The following SLIT3 variants were observed in gnomAD, a reference collection of about 807,000 sequenced individuals.
SLIT3 encodes the protein slit guidance ligand 3.
SLIT3 carries 68 observed loss-of-function variants against 184.0 expected under a neutral mutation model. The ratio of observed to expected loss-of-function variants is 0.37; its 90% confidence interval spans 0.30 to 0.45. The LOEUF (loss-of-function observed/expected upper bound fraction) is 0.45, where lower values mean the gene tolerates loss of function less well. Ranked by LOEUF, SLIT3 falls within the 20% of genes least tolerant of loss-of-function variation. The probability of loss-of-function intolerance (pLI) is 1.00; values close to 1 mark genes in which losing one functional copy is unlikely to be tolerated. For missense variants in SLIT3, 1,707 were observed against 2,026.0 expected, an observed-to-expected ratio of 0.84 and a Z score of 3.02; for synonymous variants, 831 against 828.6, an observed-to-expected ratio of 1.00 and a Z score of -0.05.
At chr5:168,815,848 G>A (rs944286334) in intron 8 of SLIT3, among the ~76,000 whole-genome samples, 2 of 152,158 alleles carry the variant, frequency 1.3e-5, no homozygotes, top group African/African-American at 4.8e-5. Flanking sequence ...AAACCCTTTA[G>A]TACTAAAGGT....
At chr5:169,185,804 G>A (rs983860599) in intron 4 of SLIT3, among the ~76,000 whole-genome samples, 2 of 152,132 alleles carry the variant, frequency 1.3e-5, no homozygotes, top group East Asian at 1.9e-4. Flanking sequence ...CTAACTAGGC[G>A]CCTGGCACTT....
At chr5:168,998,435 G>A (rs1755586110) in intron 4 of SLIT3, among the ~76,000 whole-genome samples, 1 of 152,180 alleles carries the variant, frequency 6.6e-6, no homozygotes, top group Non-Finnish European at 1.5e-5. Context: ...GCCAGGCGCG[G>A]TGGCTCAGGC....
At chr5:168,736,696 A>G (rs959181378) in intron 20 of SLIT3, among the ~76,000 whole-genome samples, 1 of 151,614 alleles carries the variant, frequency 6.6e-6, no homozygotes, top group African/African-American at 2.4e-5. Flanking sequence ...TCCCTGCTGC[A>G]ATGCAGAGTG....
intron 35 of SLIT3, among the ~76,000 whole-genome samples, chr5:168,669,055 C>T (rs1761147991): frequency 6.6e-6 from 1 of 152,202 alleles, no homozygotes; most frequent in African/African-American, 2.4e-5. Context: ...CTTTACATCT[C>T]AACATCTCAC....
chr5:168,685,647 T>G (rs1392502696), intron 31 of SLIT3, 40 bp downstream of exon 31: 6 of 1,506,114 alleles, frequency 4.0e-6, no homozygotes, highest in Non-Finnish European at 5.3e-6. Flanking sequence ...CTTGTGGGCA[T>G]GTTGAGGTCC....
chr5:168,871,597 T>G (rs1759522583), intron 5 of SLIT3, among the ~76,000 whole-genome samples: 2 of 152,118 alleles, frequency 1.3e-5, no homozygotes, highest in African/African-American at 4.8e-5. Flanking sequence ...GTTAAATATC[T>G]TTACTAGTTA....
At chr5:168,708,420 A>G (rs1762442639) in intron 25 of SLIT3, 1 of 380,308 alleles carries the variant, frequency 2.6e-6, no homozygotes, top group Non-Finnish European at 4.9e-6. Context: ...CCCCCTGTGT[A>G]TCTTTTCATA....
At chr5:168,773,017 C>A (rs752239461) in intron 13 of SLIT3, 73 bp from the exon 14 acceptor site, 3 of 1,458,876 alleles carry the variant, frequency 2.1e-6, no homozygotes, top group African/African-American at 2.8e-5. Context: ...CCCTGCCTCG[C>A]GCTGGGCCCT....
At chr5:169,173,671 G>A (rs1054468131) in intron 4 of SLIT3, among the ~76,000 whole-genome samples, 3 of 152,230 alleles carry the variant, frequency 2.0e-5, no homozygotes, top group African/African-American at 7.2e-5. Flanking sequence ...TCGTTCTTGA[G>A]AATAGCTGCA....
At chr5:168,751,378 C>T (rs529150967) in intron 18 of SLIT3, among the ~76,000 whole-genome samples, 5 of 152,332 alleles carry the variant, frequency 3.3e-5, no homozygotes, top group South Asian at 2.1e-4. Context: ...GGAAATACGA[C>T]GAGCAGCTGT....
At position 168,708,938 on chromosome 5, in the gene SLIT3, C is replaced by T. The variant is rs76852175; in HGVS notation, c.2720-838G>A. On this transcript the variant is annotated intron_variant, in intron 25 of 35. Coordinates refer to ENST00000519560, the MANE Select transcript of SLIT3 (RefSeq NM_003062.4). Reference sequence around the variant, plus strand: ...TTGAGAGCTGGTACCAGGGGCTCAACCCGACTTCACATTAGAAGAGGAAGA... The same window carrying T: ...TTGAGAGCTGGTACCAGGGGCTCAATCCGACTTCACATTAGAAGAGGAAGA... 2.6e-3 allele frequency among the ~76,000 whole-genome samples: 396 copies of T among 152,188 alleles called. 16 individuals carry two copies. The East Asian group carries it at 0.06, about 23-fold the overall frequency.
intron 12 of SLIT3, among the ~76,000 whole-genome samples, chr5:168,778,921 A>G (rs1301038679): frequency 1.3e-5 from 2 of 152,230 alleles, no homozygotes; most frequent in Non-Finnish European, 1.5e-5. Flanking sequence ...ATGCAGATCC[A>G]GTGATCTTTT....
intron 12 of SLIT3, among the ~76,000 whole-genome samples, chr5:168,783,374 A>G (rs1275573521): frequency 3.3e-5 from 5 of 151,972 alleles, no homozygotes; most frequent in African/African-American, 1.2e-4. Flanking sequence ...GGCTGTGTAC[A>G]TACTGGACTG....
intron 3 of SLIT3, among the ~76,000 whole-genome samples, chr5:169,202,366 A>G (rs1229011905): frequency 6.6e-6 from 1 of 152,182 alleles, no homozygotes; most frequent in Admixed American, 6.5e-5. Context: ...TTTTATCTGT[A>G]TTATCTCACT....
At chr5:168,966,073 T>C (rs942772951) in intron 4 of SLIT3, among the ~76,000 whole-genome samples, 5 of 152,218 alleles carry the variant, frequency 3.3e-5, no homozygotes, top group South Asian at 2.1e-4. Context: ...TGAGATACGA[T>C]TGTGAATTTT....
At chr5:169,009,601 AG>A (rs1756063598) in intron 4 of SLIT3, among the ~76,000 whole-genome samples, 1 of 152,250 alleles carries the variant, frequency 6.6e-6, no homozygotes, top group South Asian at 2.1e-4. Flanking sequence ...AAAGGGGCTT[AG>A]GTTACAGATA....
At chr5:168,867,628 A>C (rs1759355779) in intron 5 of SLIT3, among the ~76,000 whole-genome samples, 1 of 152,352 alleles carries the variant, frequency 6.6e-6, no homozygotes, top group South Asian at 2.1e-4. Context: ...AGGGATGTTC[A>C]AGTCCAGGAA....
chr5:168,984,203 T>C (rs943991276), intron 4 of SLIT3, among the ~76,000 whole-genome samples: 1 of 152,078 alleles, frequency 6.6e-6, no homozygotes, highest in Admixed American at 6.6e-5. Context: ...TTTAGAAATT[T>C]TCAAAGGAGG....
intron 4 of SLIT3, among the ~76,000 whole-genome samples, chr5:169,179,031 G>C (rs1288939204): frequency 2.0e-5 from 3 of 152,184 alleles, no homozygotes; most frequent in African/African-American, 4.8e-5. Context: ...CAAACAGTAG[G>C]TTGGTGGTAC....
Sources: gnomAD v4.1 joint callset for allele counts (sites outside exome capture counted in the v4.1 genomes callset) on GRCh38, gnomAD v4.1.1 for gene constraint, MANE v1.5 for transcripts, NCBI Gene and HGNC (gene_info 2026-07-23, HGNC 2026-07-21) for gene names.